TBL1X: variants seen among roughly 807,000 people sequenced by gnomAD.
TBL1X encodes the protein transducin beta like 1 X-linked.
TBL1X carries 10 observed loss-of-function variants against 50.7 expected under a neutral mutation model. The ratio of observed to expected loss-of-function variants is 0.20; its 90% CI spans 0.12 to 0.33. TBL1X has a LOEUF of 0.33. Among genes scored for constraint, TBL1X ranks in the 10% least tolerant of loss-of-function variants. TBL1X has a pLI of 1.00. For synonymous variants in TBL1X, 190 were observed against 214.7 expected (o/e 0.88, Z 1.01); for missense variants, 340 against 504.4 (o/e 0.67, Z 3.12).
At chrX:9,545,947 A>G (rs1356627824) in intron 2 of TBL1X, among the ~76,000 whole-genome samples, 1 of 111,347 alleles carries the variant, frequency 9.0e-6, no homozygotes, top group Non-Finnish European at 1.9e-5. Flanking sequence ...TCCCGATGTG[A>G]TTAGAGTGAT....
intron 2 of TBL1X, among the ~76,000 whole-genome samples, chrX:9,553,893 C>T (rs1400248263): frequency 3.6e-5 from 4 of 111,964 alleles, no homozygotes; most frequent in Non-Finnish European, 7.5e-5. Context: ...GATGCTGGTA[C>T]CAACACTGGA....
At chrX:9,622,439 C>G (rs1163804843) in intron 2 of TBL1X, among the ~76,000 whole-genome samples, 4 of 111,057 alleles carry the variant, frequency 3.6e-5, no homozygotes, top group African/African-American at 6.6e-5. Context: ...GGTTCACACA[C>G]CTGTGTCAGA....
At chrX:9,596,026 T>G (rs771101612) in intron 2 of TBL1X, among the ~76,000 whole-genome samples, 5 of 112,387 alleles carry the variant, frequency 4.4e-5, no homozygotes, top group African/African-American at 1.3e-4. Flanking sequence ...GTGTGTTGTT[T>G]TTTTCTTTTC....
chrX:9,704,884 A>G, intron 12 of TBL1X, 109 bp from the exon 13 acceptor site: 2 of 1,132,729 alleles, frequency 1.8e-6, no homozygotes, highest in Admixed American at 2.4e-5. Context: ...TCTCTAGAAT[A>G]AATAAATAAG....
chrX:9,667,726 A>C (rs2082938842), intron 5 of TBL1X, among the ~76,000 whole-genome samples: 1 of 111,934 alleles, frequency 8.9e-6, no homozygotes, highest in Admixed American at 9.5e-5. Context: ...GAAAGGAAAG[A>C]GATTCAGTTG....
At chrX:9,632,653 T>C (rs2082727557) in intron 2 of TBL1X, among the ~76,000 whole-genome samples, 1 of 111,936 alleles carries the variant, frequency 8.9e-6, no homozygotes, top group South Asian at 3.7e-4. Context: ...TAAAACCAGT[T>C]AGAGAAACAC....
At chrX:9,684,240 A>T (rs770370381) in intron 6 of TBL1X, 52 bp downstream of exon 6, 5 of 1,195,051 alleles carry the variant, frequency 4.2e-6, no homozygotes, top group Non-Finnish European at 4.5e-6. Context: ...GGGAAGCTGC[A>T]GGAGCTTGGA....
chrX:9,554,295 TG>T (rs1312615359), intron 2 of TBL1X, among the ~76,000 whole-genome samples: 1 of 112,749 alleles, frequency 8.9e-6, no homozygotes, highest in Non-Finnish European at 1.9e-5. Flanking sequence ...CTTAGGAAAG[TG>T]AGCTTCAGGT....
intron 2 of TBL1X, among the ~76,000 whole-genome samples, chrX:9,556,212 A>C (rs1470222223): frequency 9.1e-6 from 1 of 109,701 alleles, no homozygotes; most frequent in African/African-American, 3.3e-5. Flanking sequence ...AAACAAAACA[A>C]AAAAAACAGT....
chrX:9,565,416 T>C (rs1601761430), intron 2 of TBL1X, among the ~76,000 whole-genome samples: 1 of 111,231 alleles, frequency 9.0e-6, no homozygotes, highest in Admixed American at 9.6e-5. Context: ...GAAGGGTCAG[T>C]GTAAGATTGG....
rs188029651 is a variant in TBL1X at position 9,691,329 on chromosome X, G to C, written c.617-250G>C. Among the ~76,000 whole-genome samples, 161 of 108,402 alleles carry C rather than the reference G, an allele frequency of 1.5e-3. 1 individual carries two copies. Among genetic ancestry groups the C allele is most frequent in the African/African-American group, 5.3e-3 (156 of 29,609 alleles). 94.1% of individuals were successfully genotyped at this position (108,402 alleles called of 115,157 possible). A position where few individuals can be genotyped will look rare whatever the true frequency, so the allele number is the denominator to read the frequency against. On this transcript the variant is annotated intron_variant, in intron 7 of 17. Transcript: ENST00000645353. ...CACATGCCTGTAATCCCAGCTGCTT[G>C]AGAGGCTGAGGCATGAGAATTGCTT...
At position 9,553,542 on chromosome X, in the gene TBL1X, A is replaced by G. The variant is rs150845340; in HGVS notation, c.-131+51693A>G. Among the ~76,000 whole-genome samples the G allele has an allele frequency of 2.9e-3, 320 of 112,068 alleles. 2 individuals are homozygous for G. Among genetic ancestry groups the G allele is most frequent in the African/African-American group, 1.0e-2 (308 of 30,869 alleles). ...GCACCAGATGGTAGAGTCAAGTTTA[A>G]TATGCTGGAGCAAGGAGGGTCAGCT... is the stretch of plus-strand genomic sequence containing the variant. On this transcript the variant is annotated intron_variant, in intron 2 of 17. Transcript: ENST00000645353.
At chrX:9,475,093 C>T (rs931244472) in intron 1 of TBL1X, among the ~76,000 whole-genome samples, 5 of 111,737 alleles carry the variant, frequency 4.5e-5, no homozygotes, top group Non-Finnish European at 9.4e-5. Flanking sequence ...AGGCTGGTCT[C>T]GAACTCCTGA....
intron 2 of TBL1X, among the ~76,000 whole-genome samples, chrX:9,509,834 G>C (rs953496567): frequency 8.1e-5 from 9 of 110,779 alleles, no homozygotes; most frequent in African/African-American, 3.0e-4. Flanking sequence ...TTAATGGCGT[G>C]CATTTTCTGA....
chrX:9,496,909 TC>T (rs2081973842), intron 1 of TBL1X, among the ~76,000 whole-genome samples: 1 of 112,289 alleles, frequency 8.9e-6, no homozygotes, highest in South Asian at 3.7e-4. Context: ...GATAACTCTT[TC>T]CTTTTCCTTC....
chrX:9,546,803 A>ATTTT lies in TBL1X; in HGVS notation c.-131+44984_-131+44987dup, dbSNP rs774181046. Among the ~76,000 whole-genome samples the ATTTT allele has an allele frequency of 2.5e-3, 111 of 44,996 alleles. 11 individuals carry two copies. Among genetic ancestry groups the ATTTT allele is most frequent in the Non-Finnish European group, 3.2e-3 (83 of 26,099 alleles). The allele number at this position is 44,996 out of a possible 115,157, so 39.1% of individuals were successfully genotyped here. ...ATCACTATGGATTCATTTATTCTTA[A>ATTTT]TTTTTTTTTTTTTTTTTTTTTTTTT... On this transcript the variant is annotated intron_variant, in intron 2 of 17. Coordinates refer to ENST00000645353, the MANE Select transcript of TBL1X (RefSeq NM_005647.4).
chrX:9,490,880 A>G (rs945555715), intron 1 of TBL1X, among the ~76,000 whole-genome samples: 2 of 112,018 alleles, frequency 1.8e-5, no homozygotes, highest in Admixed American at 1.9e-4. Flanking sequence ...TTAGATTTCT[A>G]TTATGAGCTT....
At chrX:9,543,051 G>A (rs1006484161) in intron 2 of TBL1X, among the ~76,000 whole-genome samples, 2 of 112,324 alleles carry the variant, frequency 1.8e-5, no homozygotes, top group African/African-American at 6.5e-5. Context: ...TGTGAGCAAG[G>A]CAGGGTGGGC....
At chrX:9,593,011 AG>A (rs2082509244) in intron 2 of TBL1X, among the ~76,000 whole-genome samples, 1 of 111,544 alleles carries the variant, frequency 9.0e-6, no homozygotes. Context: ...AGACTTCTAA[AG>A]GGGTGGTTGT....
Sources: gnomAD v4.1 joint callset for allele counts (sites outside exome capture counted in the v4.1 genomes callset) on GRCh38, gnomAD v4.1.1 for gene constraint, MANE v1.5 for transcripts, NCBI Gene and HGNC (gene_info 2026-07-23, HGNC 2026-07-21) for gene names.